Variants in AFF3 observed in about 807,000 individuals in gnomAD.
AFF3 encodes the protein AF4/FMR2 family member 3.
Under a neutral mutation model 129.7 loss-of-function variants are expected in AFF3, and 32 were observed. The observed-to-expected ratio is 0.25, with a 90% CI of 0.19 to 0.33. The LOEUF is 0.33. AFF3 is among the 10% of genes least tolerant of loss of function. The pLI is 1.00. For synonymous variants in AFF3, 644 were observed against 635.4 expected (o/e 1.01, Z -0.20); for missense variants, 1,373 against 1,592.0 (o/e 0.86, Z 2.34).
At chr2:99,944,358 G>A (rs1488527763) in intron 7 of AFF3, among the ~76,000 whole-genome samples, 1 of 152,136 alleles carries the variant, frequency 6.6e-6, no homozygotes, top group East Asian at 1.9e-4. Context: ...TGAGTATATT[G>A]GGTTGAAGTT....
At chr2:100,107,034 G>T in intron 2 of AFF3, 1 of 985,406 alleles carries the variant, frequency 1.0e-6, no homozygotes, top group Non-Finnish European at 1.2e-6. Context: ...GCAATTGCAA[G>T]GCGGGTATTT....
intron 8 of AFF3, among the ~76,000 whole-genome samples, chr2:99,833,766 T>C (rs192181686): frequency 6.6e-6 from 1 of 152,288 alleles, no homozygotes; most frequent in East Asian, 1.9e-4. Flanking sequence ...CATTTAAGGA[T>C]AAAATAGAGT....
chr2:99,592,941 C>CG (rs1411775370), intron 15 of AFF3, among the ~76,000 whole-genome samples: 3 of 93,564 alleles, frequency 3.2e-5, no homozygotes, highest in Non-Finnish European at 4.5e-5. Context: ...CTCCCCCCCC[C>CG]CCAAAAAAAG....
At chr2:99,887,152 C>A (rs965539947) in intron 7 of AFF3, among the ~76,000 whole-genome samples, 8 of 152,174 alleles carry the variant, frequency 5.3e-5, no homozygotes, top group Non-Finnish European at 1.2e-4. Flanking sequence ...TCACCTGAAT[C>A]CTCTCTGTCA....
Position 99,919,752 on chromosome 2 carries a change from TA to T in AFF3, c.874-82229del, listed in dbSNP as rs150738092. On this transcript the variant is annotated intron_variant, in intron 7 of 24. Transcript: ENST00000672756. ...GGAAATAAATGAAACAACTGAAAAA[TA>T]AAAAAAAAATTAACAAAGCCAGAAG... is the stretch of plus-strand genomic sequence containing the variant. Among the ~76,000 whole-genome samples the T allele has an allele frequency of 7.0e-3, 1,013 of 145,672 alleles. 11 individuals are homozygous for T. Among genetic ancestry groups the T allele is most frequent in the African/African-American group, 0.024 (965 of 39,708 alleles).
chr2:99,906,302 G>A (rs1227356573), intron 7 of AFF3, among the ~76,000 whole-genome samples: 1 of 152,154 alleles, frequency 6.6e-6, no homozygotes, highest in Non-Finnish European at 1.5e-5. Context: ...AAAGAGGTTA[G>A]GAAACACGCT....
chr2:99,816,395 T>C (rs1687235513), intron 8 of AFF3, among the ~76,000 whole-genome samples: 1 of 152,226 alleles, frequency 6.6e-6, no homozygotes, highest in African/African-American at 2.4e-5. Flanking sequence ...CTTGCTGTTT[T>C]GTAAGTCTTG....
intron 13 of AFF3, among the ~76,000 whole-genome samples, chr2:99,626,462 TTC>T (rs1558663099): frequency 2.0e-5 from 1 of 51,010 alleles, no homozygotes; most frequent in Non-Finnish European, 5.0e-5. Flanking sequence ...CCTTCCTTCC[TTC>T]CTCCCTCCCT....
chr2:99,904,470 T>C (rs1218381653), intron 7 of AFF3, among the ~76,000 whole-genome samples: 1 of 152,262 alleles, frequency 6.6e-6, no homozygotes, highest in Admixed American at 6.5e-5. Context: ...TTGTCTGATT[T>C]TGAATTAATG....
At chr2:99,552,835 C>T (rs1450114376) in intron 24 of AFF3, among the ~76,000 whole-genome samples, 2 of 152,248 alleles carry the variant, frequency 1.3e-5, no homozygotes, top group African/African-American at 2.4e-5. Flanking sequence ...GTCTCCCAAA[C>T]TGGACACGTG....
intron 11 of AFF3, among the ~76,000 whole-genome samples, chr2:99,706,667 A>G (rs993375518): frequency 2.6e-5 from 4 of 152,236 alleles, no homozygotes; most frequent in Non-Finnish European, 5.9e-5. Flanking sequence ...CACTGATTAG[A>G]AAAAAATATT....
intron 8 of AFF3, among the ~76,000 whole-genome samples, chr2:99,797,215 A>T (rs1429180562): frequency 6.6e-6 from 1 of 152,220 alleles, no homozygotes; most frequent in East Asian, 1.9e-4. Context: ...TGTAATATGT[A>T]TGTCCAAAAA....
At chr2:99,830,710 G>C (rs904783128) in intron 8 of AFF3, among the ~76,000 whole-genome samples, 1 of 152,122 alleles carries the variant, frequency 6.6e-6, no homozygotes, top group African/African-American at 2.4e-5. Flanking sequence ...ACACCAGCCT[G>C]GGTGACAGAG....
At chr2:100,050,943 A>T (rs569994065) in intron 4 of AFF3, among the ~76,000 whole-genome samples, 1 of 152,204 alleles carries the variant, frequency 6.6e-6, no homozygotes, top group East Asian at 1.9e-4. Context: ...AGAATGCCAC[A>T]TTCCAGGTTC....
At chr2:99,687,016 C>T (rs79824886) in intron 11 of AFF3, among the ~76,000 whole-genome samples, 3,564 of 152,344 alleles carry the variant, frequency 0.023, 124 homozygotes, top group African/African-American at 0.079. Context: ...GAAATGGTTC[C>T]TCCCTTAGGG....
At chr2:99,639,641 T>C (rs1683996346) in intron 13 of AFF3, among the ~76,000 whole-genome samples, 1 of 152,110 alleles carries the variant, frequency 6.6e-6, no homozygotes, top group Non-Finnish European at 1.5e-5. Context: ...TGGAAAGGTG[T>C]CAGGATATGA....
intron 7 of AFF3, among the ~76,000 whole-genome samples, chr2:99,947,493 G>C (rs1576407404): frequency 9.0e-6 from 1 of 110,630 alleles, no homozygotes; most frequent in Non-Finnish European, 1.9e-5. Flanking sequence ...GACAGAAAAA[G>C]AAAAAGAAAG....
intron 11 of AFF3, among the ~76,000 whole-genome samples, chr2:99,690,357 A>G (rs1675522398): frequency 6.6e-6 from 1 of 150,452 alleles, no homozygotes; most frequent in Non-Finnish European, 1.5e-5. Context: ...ATTTTTTTGT[A>G]TTTTTAGTAG....
At chr2:99,740,833 T>A (rs1302887233) in intron 10 of AFF3, among the ~76,000 whole-genome samples, 1 of 152,200 alleles carries the variant, frequency 6.6e-6, no homozygotes, top group African/African-American at 2.4e-5. Flanking sequence ...ATGCCATTTG[T>A]CAATTTTGGC....
Sources: gnomAD v4.1 joint callset for allele counts (sites outside exome capture counted in the v4.1 genomes callset) on GRCh38, gnomAD v4.1.1 for gene constraint, MANE v1.5 for transcripts, NCBI Gene and HGNC (gene_info 2026-07-23, HGNC 2026-07-21) for gene names.